Variants in METAP2 observed in about 807,000 individuals in gnomAD.
METAP2 encodes the protein methionyl aminopeptidase 2, also known as methionine aminopeptidase 2.
A neutral mutation model predicts 59.4 loss-of-function variants in METAP2; 25 were observed. That is an observed-to-expected ratio of 0.42 (90% CI 0.31 to 0.59). The LOEUF (loss-of-function observed/expected upper bound fraction) is 0.59. Among genes scored for constraint, METAP2 ranks in the 20% least tolerant of loss-of-function variants. The pLI, the probability that METAP2 is intolerant of heterozygous loss-of-function variation, is 0.16. For synonymous variants in METAP2, 214 were observed against 194.1 expected, an observed-to-expected ratio of 1.10 and a Z score of -0.85; for missense variants, 366 against 581.2, an observed-to-expected ratio of 0.63 and a Z score of 3.81.
At chr12:95,487,818 CA>C (rs2076208703) in intron 4 of METAP2, among the ~76,000 whole-genome samples, 1 of 152,140 alleles carries the variant, frequency 6.6e-6, no homozygotes, top group Non-Finnish European at 1.5e-5. Flanking sequence ...TCCTCCAAGT[CA>C]ATTAGAATAG....
chr12:95,496,821 C>CTTTTTTTTTTTTTTTTTT (rs777002045), intron 7 of METAP2, among the ~76,000 whole-genome samples: 1 of 100,936 alleles, frequency 9.9e-6, no homozygotes, highest in Non-Finnish European at 1.9e-5. Context: ...CTTTTTCTTT[C>CTTTTTTTTTTTTTTTTTT]TTTTTTTTTT....
intron 2 of METAP2, among the ~76,000 whole-genome samples, chr12:95,482,991 C>T (rs1257566751): frequency 6.6e-6 from 1 of 152,204 alleles, no homozygotes; most frequent in Non-Finnish European, 1.5e-5. Flanking sequence ...TCAAGTGATC[C>T]TCCCACCTCA....
At position 95,515,449 on chromosome 12, in the gene METAP2, C is replaced by T. The variant is rs1359692812; in HGVS notation, c.*1545C>T. On this transcript the variant is annotated 3_prime_UTR_variant, in exon 11 of 11. Coordinates refer to ENST00000323666, the MANE Select transcript of METAP2 (RefSeq NM_006838.4). ...CAGGGCTGGGCCCTCCAGCTAGCTCCTTTGGGGTTGAGTCCGTATCTTTTT... is the reference window on the plus strand; with the variant it reads ...CAGGGCTGGGCCCTCCAGCTAGCTCTTTTGGGGTTGAGTCCGTATCTTTTT... 1 of 152,226 alleles carries T rather than the reference C, an allele frequency of 6.6e-6. No individual in the cohort carries two copies. Among genetic ancestry groups the T allele is most frequent in the Non-Finnish European group, 1.5e-5 (1 of 68,046 alleles). The allele number at this position is 152,226 out of a possible 1,614,324, so 9.4% of individuals were successfully genotyped here.
At position 95,494,066 on chromosome 12, in the gene METAP2, G is replaced by A. The variant is rs201196524; in HGVS notation, c.439G>A (p.Ala147Thr). The change falls in exon 5 of 11, where the codon GCT becomes ACT. Residue 147 changes from alanine to threonine, a missense_variant. Ala to Thr is a moderately conservative substitution (Grantham distance 58). Transcript: ENST00000323666. Reference sequence around the variant, plus strand: ...ATGCCCACTCTAAAGGCGAACAGCTGCTTGGAGAACTACAAGTGAAGAAAA... The same window carrying A: ...ATGCCCACTCTAAAGGCGAACAGCTACTTGGAGAACTACAAGTGAAGAAAA... ...YPPTQDGRTA[A>T]WRTTSEEKKA... The A allele has an allele frequency of 6.2e-6, 10 of 1,613,680 alleles. No homozygotes were observed. The highest frequency in any genetic ancestry group is 8.5e-6 in the Non-Finnish European group (10 of 1,179,870).
At chr12:95,504,712 C>T (rs551214780) in intron 8 of METAP2, among the ~76,000 whole-genome samples, 1 of 152,052 alleles carries the variant, frequency 6.6e-6, no homozygotes, top group African/African-American at 2.4e-5. Flanking sequence ...CTGTGTTGCT[C>T]AGTCTGATTT....
intron 4 of METAP2, among the ~76,000 whole-genome samples, chr12:95,490,343 A>G (rs2076228596): frequency 6.9e-6 from 1 of 145,352 alleles, no homozygotes; most frequent in South Asian, 2.2e-4. Context: ...GATAATGTAT[A>G]TACAGTATCC....
At chr12:95,482,105 GT>G (rs1565775269) in intron 2 of METAP2, 1 of 444,368 alleles carries the variant, frequency 2.3e-6, no homozygotes. Flanking sequence ...CAATATTTGT[GT>G]TTTGGGTTTG....
At chr12:95,484,829 G>T in intron 3 of METAP2, 1 of 454,362 alleles carries the variant, frequency 2.2e-6, no homozygotes, top group African/African-American at 2.0e-5. Flanking sequence ...GGCTACTAAA[G>T]GGCTTAGAGC....
chr12:95,513,699 G>C lies in METAP2; in HGVS notation c.1232G>C (p.Gly411Ala), dbSNP rs766035523. Residue 411 changes from glycine (G) to alanine (A), a missense_variant, in exon 11 of 11, where the codon GGA (glycine) becomes GCA (alanine). Around this residue, in one of 4 missense-constraint regions of METAP2, gnomAD observed 82 missense variants for 156.2 expected, o/e 0.52. Transcript: ENST00000323666. ...HLLNVINENF[G>A]TLAFCRRWLD... ...TTAAATGTCATCAATGAAAACTTTG[G>C]AACCCTTGCCTTCTGCCGCAGATGG... is the stretch of plus-strand genomic sequence containing the variant. The C allele has an allele frequency of 6.2e-7, 1 of 1,614,156 alleles. No homozygotes were observed. The highest frequency in any genetic ancestry group is 8.5e-7 in the Non-Finnish European group (1 of 1,180,020).
chr12:95,512,774 T>A (rs774448257), intron 9 of METAP2, 27 bp from the exon 10 acceptor site: 2 of 1,265,674 alleles, frequency 1.6e-6, no homozygotes, highest in Non-Finnish European at 2.3e-6. Context: ...CTTCTTTCTC[T>A]CCCCTTGACC....
At chr12:95,510,696 C>T (rs1380953594) in intron 8 of METAP2, among the ~76,000 whole-genome samples, 1 of 152,164 alleles carries the variant, frequency 6.6e-6, no homozygotes, top group East Asian at 1.9e-4. Context: ...TCTAGTGAGC[C>T]ACCATCTTGG....
At chr12:95,478,940 G>C (rs1482466174) in intron 2 of METAP2, among the ~76,000 whole-genome samples, 1 of 152,150 alleles carries the variant, frequency 6.6e-6, no homozygotes, top group Non-Finnish European at 1.5e-5. Context: ...AAGCACAGTG[G>C]CTGGTGCCTG....
At chr12:95,475,271 T>C (rs11108066) in intron 1 of METAP2, among the ~76,000 whole-genome samples, 7,244 of 152,298 alleles carry the variant, frequency 0.048, 235 homozygotes, top group Non-Finnish European at 0.07. Flanking sequence ...AGAGCTAATC[T>C]TCATCTTTCT....
chr12:95,496,541 A>T (rs1316515985), intron 7 of METAP2, among the ~76,000 whole-genome samples: 2 of 152,118 alleles, frequency 1.3e-5, no homozygotes, highest in Non-Finnish European at 2.9e-5. Context: ...TGACCACATC[A>T]CAATTATTCA....
intron 5 of METAP2, among the ~76,000 whole-genome samples, chr12:95,494,605 G>A (rs1266095315): frequency 6.6e-6 from 1 of 152,140 alleles, no homozygotes; most frequent in Non-Finnish European, 1.5e-5. Context: ...TAAATGGTTA[G>A]TATAACATGT....
rs2076435904 is a variant in METAP2, at chr12:95,514,969, G to A, written c.*1065G>A. 6.6e-6 allele frequency: 1 copy of A among 152,598 alleles called. No individual in the cohort carries two copies. The highest frequency in any genetic ancestry group is 2.1e-4 in the South Asian group (1 of 4,832). The allele number at this position is 152,598 out of a possible 1,614,324, so 9.5% of individuals were successfully genotyped here. ...AGCGGCTAAGTGTATTAAGTTGAAT[G>A]TAACGATGGTAATATTAATTTGTTT... On this transcript the variant is annotated 3_prime_UTR_variant, in exon 11 of 11. Coordinates refer to ENST00000323666, the MANE Select transcript of METAP2 (RefSeq NM_006838.4).
intron 7 of METAP2, among the ~76,000 whole-genome samples, chr12:95,498,964 C>T (rs2076296060): frequency 6.7e-6 from 1 of 149,974 alleles, no homozygotes; most frequent in Non-Finnish European, 1.5e-5. Context: ...CTCAGTGAGA[C>T]AAGATTACGC....
At position 95,512,935 on chromosome 12, in the gene METAP2, G is replaced by A; in HGVS notation, c.1184+19G>A. 1 of 1,398,678 alleles carries A rather than the reference G, an allele frequency of 7.1e-7. No individual in the cohort carries two copies. Among genetic ancestry groups the A allele is most frequent in the South Asian group, 1.2e-5 (1 of 84,784 alleles). 86.6% of individuals were successfully genotyped at this position (1,398,678 alleles called of 1,614,324 possible). A position where few individuals can be genotyped will look rare whatever the true frequency, so the allele number is the denominator to read the frequency against. ...CAATAAGGTGAGAGACGAGACGATT[G>A]ATTTTATGTGGCTAATTAGCATCTC... On this transcript the variant is annotated intron_variant, in intron 10 of 10. Transcript: ENST00000323666.
chr12:95,474,279 G>C lies in METAP2; in HGVS notation c.100G>C (p.Ala34Pro). ...EEGAASTAEE[A>P]AKKKRRKKKK... ...AGGAGCTGCCTCTACGGCTGAGGAA[G>C]CAGCCAAGAAAAAAAGACGAAAGAA... is the stretch of plus-strand genomic sequence containing the variant. The change falls in exon 1 of 11, where the codon GCA becomes CCA. Residue 34 changes from alanine to proline, a missense_variant. Ala to Pro is a conservative substitution (Grantham distance 27). Transcript: ENST00000323666. 1 of 1,614,208 alleles carries C rather than the reference G, an allele frequency of 6.2e-7. No individual in the cohort carries two copies. The highest frequency in any genetic ancestry group is 8.5e-7 in the Non-Finnish European group (1 of 1,180,020).
Sources: allele counts gnomAD v4.1 joint callset (sites outside exome capture counted in the v4.1 genomes callset), GRCh38; gene constraint gnomAD v4.1.1; regional missense constraint gnomAD v4.1.1; transcripts MANE v1.5; gene names NCBI Gene and HGNC (gene_info 2026-07-23, HGNC 2026-07-21).